TEAD1: variants seen among roughly 807,000 people sequenced by gnomAD.
The protein encoded by TEAD1 is transcriptional enhancer factor TEF-1.
A neutral mutation model predicts 54.9 loss-of-function variants in TEAD1; 9 were observed. The observed-to-expected ratio is 0.16, with a 90% CI of 0.10 to 0.29. TEAD1 has a LOEUF of 0.29. Ranked by LOEUF, TEAD1 falls within the 10% of genes least tolerant of loss-of-function variation. The pLI is 1.00. For synonymous variants in TEAD1, 200 were observed against 187.8 expected (o/e 1.07, Z -0.53); for missense variants, 387 against 535.9 (o/e 0.72, Z 2.74).
At chr11:12,708,350 A>C (rs1943863577) in intron 2 of TEAD1, among the ~76,000 whole-genome samples, 1 of 151,938 alleles carries the variant, frequency 6.6e-6, no homozygotes, top group South Asian at 2.1e-4. Context: ...GAATGTAACA[A>C]TGCCTGTCAC....
At chr11:12,856,835 G>C (rs1811358386) in intron 3 of TEAD1, among the ~76,000 whole-genome samples, 1 of 152,092 alleles carries the variant, frequency 6.6e-6, no homozygotes, top group East Asian at 1.9e-4. Context: ...CCTTAGGACT[G>C]GCCACGGCCA....
At chr11:12,872,308 G>A (rs1947764700) in intron 5 of TEAD1, among the ~76,000 whole-genome samples, 1 of 152,168 alleles carries the variant, frequency 6.6e-6, no homozygotes, top group Non-Finnish European at 1.5e-5. Flanking sequence ...TGTTAGCAGT[G>A]CAGGAGGCAA....
chr11:12,814,844 C>T (rs1454863245), intron 3 of TEAD1, among the ~76,000 whole-genome samples: 4 of 137,160 alleles, frequency 2.9e-5, no homozygotes, highest in East Asian at 4.4e-4. Context: ...TGTGTGTCCC[C>T]GTCCGTCCCG....
At chr11:12,879,319 C>T (rs2134093931) in intron 5 of TEAD1, 1 of 430,676 alleles carries the variant, frequency 2.3e-6, no homozygotes, top group Admixed American at 3.6e-5. Context: ...TCTTCTCTCA[C>T]TCCTCCTCCC....
intron 2 of TEAD1, among the ~76,000 whole-genome samples, chr11:12,763,325 A>G (rs961525789): frequency 2.0e-5 from 3 of 152,250 alleles, no homozygotes; most frequent in South Asian, 2.1e-4. Flanking sequence ...AGCATAGGCT[A>G]TAAGACGGAG....
At chr11:12,866,921 C>T (rs1027193638) in intron 5 of TEAD1, among the ~76,000 whole-genome samples, 1 of 152,054 alleles carries the variant, frequency 6.6e-6, no homozygotes, top group African/African-American at 2.4e-5. Context: ...TGGGTAATAG[C>T]GGGAGCAGCC....
At chr11:12,747,269 G>T (rs972179881) in intron 2 of TEAD1, among the ~76,000 whole-genome samples, 1 of 152,080 alleles carries the variant, frequency 6.6e-6, no homozygotes, top group South Asian at 2.1e-4. Context: ...AAAATTTGCA[G>T]TATAGCAGGG....
At chr11:12,880,937 C>T in intron 6 of TEAD1, 68 bp from the exon 7 acceptor site, 5 of 1,560,588 alleles carry the variant, frequency 3.2e-6, no homozygotes, top group East Asian at 2.2e-5. Flanking sequence ...GGTTGTGATG[C>T]GTAGGCATCC....
intron 3 of TEAD1, among the ~76,000 whole-genome samples, chr11:12,819,645 G>A (rs1279091387): frequency 1.3e-5 from 2 of 151,938 alleles, no homozygotes; most frequent in Non-Finnish European, 2.9e-5. Context: ...TAGAGACGGG[G>A]TTTCACCATG....
chr11:12,895,945 TC>T (rs1237818064), intron 9 of TEAD1, among the ~76,000 whole-genome samples: 2 of 145,624 alleles, frequency 1.4e-5, no homozygotes, highest in African/African-American at 5.0e-5. Context: ...CCCTCCGTCT[TC>T]CTTTCAGTCC....
In TEAD1 at chr11:12,766,228, C is replaced by T. The variant is rs1426399346; in HGVS notation, c.202+1794C>T. On this transcript the variant is annotated intron_variant, in intron 3 of 12. Coordinates refer to ENST00000527636, the MANE Select transcript of TEAD1 (RefSeq NM_021961.6). ...GGGGCTGAGAACATAATTCAAAGCA[C>T]AAGTTAACTTTTGTCAACTCCAATT... Among the ~76,000 whole-genome samples the T allele has an allele frequency of 3.9e-5, 6 of 152,348 alleles. No homozygotes were observed. The East Asian group carries it at 1.2e-3, about 29-fold the overall frequency.
chr11:12,750,239 C>G (rs1395115077), intron 2 of TEAD1, among the ~76,000 whole-genome samples: 2 of 152,106 alleles, frequency 1.3e-5, no homozygotes, highest in Admixed American at 6.5e-5. Context: ...GAGTGTGACC[C>G]TGTTGTCAGC....
chr11:12,879,918 C>G (rs1490881868), intron 6 of TEAD1, 76 bp downstream of exon 6: 3 of 1,600,992 alleles, frequency 1.9e-6, no homozygotes, highest in Non-Finnish European at 2.6e-6. Context: ...AGCCTCCCAC[C>G]TCCATTTCTT....
At chr11:12,772,745 T>C (rs1945337966) in intron 3 of TEAD1, among the ~76,000 whole-genome samples, 2 of 152,196 alleles carry the variant, frequency 1.3e-5, no homozygotes, top group South Asian at 4.1e-4. Context: ...GAGTGTAATA[T>C]TGCAACAAGC....
At chr11:12,682,869 C>T (rs1943251898) in intron 2 of TEAD1, among the ~76,000 whole-genome samples, 3 of 152,126 alleles carry the variant, frequency 2.0e-5, no homozygotes, top group Non-Finnish European at 2.9e-5. Context: ...TTCGTGAGTT[C>T]CAAGGTAACA....
rs551800540 is a variant in TEAD1, at chr11:12,852,282, TG to T, written c.203-9966del. 8.3e-4 allele frequency among the ~76,000 whole-genome samples: 126 copies of T among 152,062 alleles called. 5 individuals carry two copies. The South Asian group carries it at 0.02, about 24-fold the overall frequency. ...TTGCTTGTAGTGGATGAGAACCTGTTGGTATAGGAAGGCAACATAACTAGAT... is the reference window on the plus strand; with the variant it reads ...TTGCTTGTAGTGGATGAGAACCTGTTGTATAGGAAGGCAACATAACTAGAT... On this transcript the variant is annotated intron_variant, in intron 3 of 12. Coordinates refer to ENST00000527636, the MANE Select transcript of TEAD1 (RefSeq NM_021961.6).
chr11:12,761,054 G>T (rs9888179), intron 2 of TEAD1, among the ~76,000 whole-genome samples: 68,737 of 151,948 alleles, frequency 0.45, 16,501 homozygotes, highest in African/African-American at 0.61. Flanking sequence ...GACGAAAAAT[G>T]GCAAGAGTCT....
chr11:12,920,806 T>C (rs1226348130), intron 10 of TEAD1, among the ~76,000 whole-genome samples: 3 of 152,222 alleles, frequency 2.0e-5, no homozygotes, highest in African/African-American at 7.2e-5. Context: ...CCTTTTCTGC[T>C]CAACACAAAC....
intron 3 of TEAD1, among the ~76,000 whole-genome samples, chr11:12,780,497 G>A (rs1945520059): frequency 6.6e-6 from 1 of 151,992 alleles, no homozygotes. Context: ...GCCTGCCTCG[G>A]TCTCCCAAAG....
Sources: gnomAD v4.1 joint callset for allele counts (sites outside exome capture counted in the v4.1 genomes callset) on GRCh38, gnomAD v4.1.1 for gene constraint, MANE v1.5 for transcripts, NCBI Gene and HGNC (gene_info 2026-07-23, HGNC 2026-07-21) for gene names.